MADD: variants seen among roughly 807,000 people sequenced by gnomAD.
MADD encodes the protein MAP kinase activating death domain.
MADD carries 109 observed loss-of-function variants against 176.7 expected under a neutral mutation model. The ratio of observed to expected loss-of-function variants is 0.62; its 90% CI spans 0.53 to 0.72. MADD has a LOEUF of 0.72. Among genes scored for constraint, MADD ranks in the 30% least tolerant of loss-of-function variants. The probability of loss-of-function intolerance (pLI) is 0.00; values close to 1 mark genes in which losing one functional copy is unlikely to be tolerated. For synonymous variants in MADD, 771 were observed against 771.3 expected, an observed-to-expected ratio of 1.00 and a Z score of 0.01; for missense variants, 1,914 against 2,045.5, an observed-to-expected ratio of 0.94 and a Z score of 1.24.
At position 47,300,824 on chromosome 11, in the gene MADD, A is replaced by G. The variant is rs190224293; in HGVS notation, c.3642+4769A>G. 5.9e-5 allele frequency among the ~76,000 whole-genome samples: 9 copies of G among 152,266 alleles called. No homozygotes were observed. In the East Asian group the frequency reaches 1.2e-3, roughly 20 times the overall value. On this transcript the variant is annotated intron_variant, in intron 22 of 32. Coordinates refer to ENST00000402192, the Ensembl canonical transcript of MADD. Reference sequence around the variant, plus strand: ...TGGGAAGCTTTTTATTACAGATTCAATCTCATTACTTGAAATTGGACTATT... The same window carrying G: ...TGGGAAGCTTTTTATTACAGATTCAGTCTCATTACTTGAAATTGGACTATT...
intron 28 of MADD, chr11:47,324,046 A>G: frequency 1.6e-6 from 1 of 642,018 alleles, no homozygotes; most frequent in Non-Finnish European, 2.7e-6. Context: ...TAGCATTCCT[A>G]CACATCTGTA....
chr11:47,291,497 A>T (rs944767955), intron 19 of MADD, among the ~76,000 whole-genome samples: 1 of 152,234 alleles, frequency 6.6e-6, no homozygotes, highest in African/African-American at 2.4e-5. Context: ...TTCTGGTTCT[A>T]GGTCCCTAGG....
chr11:47,281,620 G>C, exon 8 of MADD: 2 of 1,612,092 alleles, frequency 1.2e-6, no homozygotes, highest in African/African-American at 1.3e-5. Context: ...CCTCAATCTG[G>C]AGAAATTTCA....
At chr11:47,300,638 C>T (rs2077042046) in intron 22 of MADD, among the ~76,000 whole-genome samples, 1 of 152,074 alleles carries the variant, frequency 6.6e-6, no homozygotes, top group Admixed American at 6.6e-5. Context: ...GCTGGGATTA[C>T]AGGTATTCAC....
intron 1 of MADD, among the ~76,000 whole-genome samples, chr11:47,271,802 T>C (rs1231504814): frequency 1.3e-5 from 2 of 151,970 alleles, no homozygotes; most frequent in African/African-American, 2.4e-5. Context: ...TTTTTACTCA[T>C]ATCCCATTTC....
chr11:47,284,253 G>A, exon 11 of MADD: 1 of 1,614,108 alleles, frequency 6.2e-7, no homozygotes, highest in Admixed American at 1.7e-5. Flanking sequence ...GTGAAATGAT[G>A]AAATGTGACA....
intron 12 of MADD, 61 bp from the exon 13 acceptor site, chr11:47,284,880 G>C: frequency 6.3e-7 from 1 of 1,595,488 alleles, no homozygotes; most frequent in Admixed American, 1.7e-5. Context: ...TGCCAAACTG[G>C]GATTACAGGA....
intron 30 of MADD, among the ~76,000 whole-genome samples, chr11:47,326,233 T>C (rs990428367): frequency 1.3e-5 from 2 of 152,220 alleles, no homozygotes; most frequent in African/African-American, 4.8e-5. Flanking sequence ...TGGTAGCTGA[T>C]ATTATTATCA....
At chr11:47,306,094 C>T (rs2082377191) in intron 22 of MADD, among the ~76,000 whole-genome samples, 1 of 152,152 alleles carries the variant, frequency 6.6e-6, no homozygotes, top group African/African-American at 2.4e-5. Context: ...GCTTCTTCAC[C>T]TTAGGCACCA....
chr11:47,276,161 G>T lies in MADD; in HGVS notation c.922G>T (p.Ala308Ser), dbSNP rs1039339237. The change falls in exon 4 of 33, where the codon GCC becomes TCC. Residue 308 changes from alanine to serine, a missense_variant. Transcript: ENST00000402192. The stretch of plus-strand genomic sequence containing the variant: ...TCCCTTGGAACTTCTAGGTGTGGAC[G>T]CCTGTCTCCAGGTGCTAACCTGCAT... 2 of 1,613,860 alleles carry T rather than the reference G, an allele frequency of 1.2e-6. No homozygotes were observed. The highest frequency in any genetic ancestry group is 1.7e-6 in the Non-Finnish European group (2 of 1,179,778).
At position 47,278,293 on chromosome 11, in the gene MADD, T is replaced by C; in HGVS notation, c.1209+15T>C. 6.3e-7 allele frequency: 1 copy of C among 1,575,682 alleles called. No individual in the cohort carries two copies. The highest frequency in any genetic ancestry group is 1.7e-5 in the Admixed American group (1 of 59,960). ...ACAGCAATAGGGTGAGGTTCTTGGC[T>C]GAGGCATTGTAGAGTCTAGAGGAGG... On this transcript the variant is annotated intron_variant, in intron 6 of 32. Transcript: ENST00000402192.
At chr11:47,300,540 C>T (rs61896054) in intron 22 of MADD, among the ~76,000 whole-genome samples, 11,528 of 151,570 alleles carry the variant, frequency 0.076, 507 homozygotes, top group South Asian at 0.11. Context: ...CTCTGTTGCT[C>T]AGGCTGGAGT....
chr11:47,290,133 T>C lies in MADD; in HGVS notation c.2944-16T>C. ...CAGGCAATTTGCCAACGCTAGCCCC[T>C]GGGTTATTGTTGCAGGAGATCAGTC... is the stretch of plus-strand genomic sequence containing the variant. On this transcript the variant is annotated splice_polypyrimidine_tract_variant and intron_variant, in intron 17 of 32. Transcript: ENST00000402192. The C allele has an allele frequency of 6.2e-7, 1 of 1,613,580 alleles. No individual in the cohort carries two copies.
At chr11:47,300,810 T>G (rs1259225892) in intron 22 of MADD, among the ~76,000 whole-genome samples, 1 of 152,194 alleles carries the variant, frequency 6.6e-6, no homozygotes, top group Non-Finnish European at 1.5e-5. Flanking sequence ...GGGAAGCTTT[T>G]TATTACAGAT....
At chr11:47,275,946 A>T in exon 4 of MADD, 1 of 1,613,788 alleles carries the variant, frequency 6.2e-7, no homozygotes, top group Non-Finnish European at 8.5e-7. Context: ...GTAGAGGAGA[A>T]GTCAAGTGCC....
At chr11:47,289,798 C>A in intron 16 of MADD, 69 bp from the exon 18 acceptor site, 1 of 1,550,236 alleles carries the variant, frequency 6.5e-7, no homozygotes, top group Non-Finnish European at 8.8e-7. Context: ...GACATCTAGT[C>A]TGGGTGAAAG....
At chr11:47,309,756 C>G in intron 25 of MADD, 144 bp downstream of exon 28, 1 of 629,740 alleles carries the variant, frequency 1.6e-6, no homozygotes, top group Admixed American at 2.7e-5. Flanking sequence ...TGAGGCCTCT[C>G]TGCCAGCTTA....
At chr11:47,296,810 A>G (rs1340473036) in intron 22 of MADD, among the ~76,000 whole-genome samples, 1 of 131,996 alleles carries the variant, frequency 7.6e-6, no homozygotes. Context: ...TCTGTTGCCC[A>G]GGCTGGAGTG....
chr11:47,299,577 T>C (rs1198888430), intron 22 of MADD, among the ~76,000 whole-genome samples: 3 of 61,332 alleles, frequency 4.9e-5, no homozygotes, highest in African/African-American at 2.6e-4. Flanking sequence ...CTAGTGGAGA[T>C]TTTAGGGCTT....
Sources: allele counts gnomAD v4.1 joint callset (sites outside exome capture counted in the v4.1 genomes callset), GRCh38; gene constraint gnomAD v4.1.1; transcripts MANE v1.5; gene names NCBI Gene and HGNC (gene_info 2026-07-23, HGNC 2026-07-21).